Variants in CNTLN observed in about 807,000 individuals in gnomAD.
CNTLN encodes the protein centlein, also known as centlein, centrosomal protein.
CNTLN carries 212 observed loss-of-function variants against 180.0 expected under a neutral mutation model. The ratio of observed to expected loss-of-function variants is 1.18; its 90% CI spans 1.05 to 1.32. The LOEUF (loss-of-function observed/expected upper bound fraction) is 1.32, where lower values mean the gene tolerates loss of function less well. Among genes scored for constraint, CNTLN ranks in the 40% most tolerant of loss-of-function variants. The pLI is 0.00. For missense variants in CNTLN, 2,095 were observed against 1,610.9 expected (o/e 1.30, Z -5.14); for synonymous variants, 722 against 563.1 (o/e 1.28, Z -3.99).
At chr9:17,149,867 C>T (rs1230560393) in intron 2 of CNTLN, among the ~76,000 whole-genome samples, 1 of 152,122 alleles carries the variant, frequency 6.6e-6, no homozygotes, top group Non-Finnish European at 1.5e-5. Flanking sequence ...GAGATGGTAT[C>T]TCGTTGTGGT....
chr9:17,263,652 T>A (rs201652187), intron 5 of CNTLN, among the ~76,000 whole-genome samples: 1 of 145,240 alleles, frequency 6.9e-6, no homozygotes, highest in African/African-American at 2.6e-5. Context: ...AGTTTACAGT[T>A]CCACCAACAG....
intron 7 of CNTLN, among the ~76,000 whole-genome samples, chr9:17,304,847 G>A (rs1001520639): frequency 7.9e-5 from 12 of 152,024 alleles, no homozygotes; most frequent in Admixed American, 2.0e-4. Flanking sequence ...TATACAGGAG[G>A]ATGTACATAG....
chr9:17,390,235 C>CTTTTTTTTTTTTTTTTTTT (rs35329298), intron 14 of CNTLN, among the ~76,000 whole-genome samples: 1 of 77,396 alleles, frequency 1.3e-5, no homozygotes, highest in Non-Finnish European at 2.3e-5. Context: ...AAAAGAGCCT[C>CTTTTTTTTTTTTTTTTTTT]TTTTTTTTTT....
At chr9:17,443,978 A>G (rs1476760506) in intron 18 of CNTLN, among the ~76,000 whole-genome samples, 1 of 152,234 alleles carries the variant, frequency 6.6e-6, no homozygotes, top group Non-Finnish European at 1.5e-5. Flanking sequence ...GGAACTGATA[A>G]TAGAAAACTG....
the CNTLN span, among the ~76,000 whole-genome samples, chr9:17,516,755 A>C: frequency 3.3e-5 from 5 of 151,950 alleles, no homozygotes; most frequent in African/African-American, 1.2e-4. Context: ...TGGCCTTTCC[A>C]TTTCTGCTGT....
In CNTLN at chr9:17,332,750, T is replaced by G; in HGVS notation, c.1644+20T>G. On this transcript the variant is annotated intron_variant, in intron 10 of 25. Transcript: ENST00000380647. ...CTAAAGGTGAACATTAAATCATTTC[T>G]TTAGTAGTAACCTTGCAAAGATAAA... 6.4e-7 allele frequency: 1 copy of G among 1,564,128 alleles called. No individual in the cohort carries two copies. The highest frequency in any genetic ancestry group is 2.0e-5 in the Admixed American group (1 of 49,496).
the CNTLN span, among the ~76,000 whole-genome samples, chr9:17,527,605 A>ATG: frequency 1.3e-5 from 2 of 152,056 alleles, no homozygotes; most frequent in African/African-American, 4.8e-5. Context: ...GAGGAGAGTG[A>ATG]TGTGTGTGGT....
chr9:17,358,068 G>A (rs4961544), intron 12 of CNTLN, among the ~76,000 whole-genome samples: 88,850 of 151,634 alleles, frequency 0.59, 26,333 homozygotes, highest in East Asian at 0.73. Context: ...AATATTTGTA[G>A]TTTTATCTAG....
intron 2 of CNTLN, among the ~76,000 whole-genome samples, chr9:17,146,569 A>C (rs1818471359): frequency 6.6e-6 from 1 of 152,108 alleles, no homozygotes; most frequent in Non-Finnish European, 1.5e-5. Context: ...CTGCCATGTG[A>C]GGATACAGAA....
At chr9:17,146,426 C>T (rs1370602552) in intron 2 of CNTLN, among the ~76,000 whole-genome samples, 1 of 152,120 alleles carries the variant, frequency 6.6e-6, no homozygotes, top group Non-Finnish European at 1.5e-5. Flanking sequence ...CCCCAAAATT[C>T]GTATGTTGAA....
At chr9:17,246,575 A>G (rs1825806234) in intron 5 of CNTLN, among the ~76,000 whole-genome samples, 1 of 152,294 alleles carries the variant, frequency 6.6e-6, no homozygotes, top group East Asian at 1.9e-4. Flanking sequence ...CTCAGGGACT[A>G]AGGACTCCAC....
chr9:17,262,842 G>A (rs893574705), intron 5 of CNTLN, among the ~76,000 whole-genome samples: 1 of 151,304 alleles, frequency 6.6e-6, no homozygotes, highest in Non-Finnish European at 1.5e-5. Flanking sequence ...GTTGGCTGTG[G>A]GTTTGTCGTA....
At chr9:17,148,807 A>G (rs1232336900) in intron 2 of CNTLN, among the ~76,000 whole-genome samples, 1 of 152,112 alleles carries the variant, frequency 6.6e-6, no homozygotes, top group Non-Finnish European at 1.5e-5. Flanking sequence ...ATAGTGCCAC[A>G]ATAATTTTTT....
At chr9:17,433,807 C>G (rs1392519668) in intron 18 of CNTLN, among the ~76,000 whole-genome samples, 1 of 152,056 alleles carries the variant, frequency 6.6e-6, no homozygotes, top group Non-Finnish European at 1.5e-5. Context: ...TCTTGAATAC[C>G]TGGCCTCAAG....
At chr9:17,349,916 A>C (rs189558559) in intron 12 of CNTLN, among the ~76,000 whole-genome samples, 20 of 152,296 alleles carry the variant, frequency 1.3e-4, no homozygotes, top group African/African-American at 4.3e-4. Context: ...GCTTAATTTA[A>C]ATAGGGGTAT....
intron 5 of CNTLN, among the ~76,000 whole-genome samples, chr9:17,264,544 T>C (rs1827260488): frequency 6.6e-6 from 1 of 151,364 alleles, no homozygotes; most frequent in Admixed American, 6.6e-5. Flanking sequence ...TTTGGTTCCA[T>C]ATGAACTTTA....
At chr9:17,457,853 A>G in intron 19 of CNTLN, 138 bp downstream of exon 19, 1 of 517,198 alleles carries the variant, frequency 1.9e-6, no homozygotes, top group Non-Finnish European at 3.1e-6. Flanking sequence ...TATTGCCTTC[A>G]TCATTAATTT....
chr9:17,148,146 G>A (rs575417328), intron 2 of CNTLN, among the ~76,000 whole-genome samples: 1 of 152,132 alleles, frequency 6.6e-6, no homozygotes, highest in Non-Finnish European at 1.5e-5. Flanking sequence ...ATCAACACAC[G>A]GACAATCTTG....
At chr9:17,313,418 T>TG (rs902507736) in intron 8 of CNTLN, among the ~76,000 whole-genome samples, 1 of 91,680 alleles carries the variant, frequency 1.1e-5, no homozygotes, top group Non-Finnish European at 2.7e-5. Context: ...ATTAACTGGC[T>TG]TTTTTTTTAA....
Sources: gnomAD v4.1 joint callset for allele counts (sites outside exome capture counted in the v4.1 genomes callset) on GRCh38, gnomAD v4.1.1 for gene constraint, MANE v1.5 for transcripts, NCBI Gene and HGNC (gene_info 2026-07-23, HGNC 2026-07-21) for gene names.